CDH23: variants seen among roughly 807,000 people sequenced by gnomAD.
CDH23 encodes the protein cadherin-23.
In CDH23, 189 loss-of-function variants were observed where a neutral mutation model predicts 317.1. That is an observed-to-expected ratio of 0.60 (90% CI 0.53 to 0.67). CDH23 has a LOEUF of 0.67. CDH23 is among the 30% of genes least tolerant of loss of function. The pLI is 0.00. For synonymous variants in CDH23, 1,839 were observed against 1,876.8 expected (o/e 0.98, Z 0.52); for missense variants, 4,401 against 4,592.4 (o/e 0.96, Z 1.20).
intron 9 of CDH23, among the ~76,000 whole-genome samples, chr10:71,609,400 A>G (rs1435413765): frequency 6.6e-6 from 1 of 150,678 alleles, no homozygotes; most frequent in African/African-American, 2.4e-5. Context: ...CTTGTTTTTT[A>G]CACCAAACTC....
At chr10:71,452,308 G>A (rs937137682) in intron 3 of CDH23, among the ~76,000 whole-genome samples, 13 of 151,456 alleles carry the variant, frequency 8.6e-5, no homozygotes, top group African/African-American at 2.0e-4. Flanking sequence ...CCCATGCCCT[G>A]GAGGGGGGCA....
rs569450627 is a variant in CDH23 at position 71,512,637 on chromosome 10, C to T, written c.429+1425C>T. Among the ~76,000 whole-genome samples the T allele has an allele frequency of 8.5e-5, 13 of 152,292 alleles. No homozygotes were observed. In the South Asian group the frequency reaches 1.7e-3, roughly 19 times the overall value. ...TCCCTCTCATGGGGCAGCAGGGAGC[C>T]GCACTGGCAAGGAGACGAGGGGTCA... is the stretch of plus-strand genomic sequence containing the variant. On this transcript the variant is annotated intron_variant, in intron 6 of 69. Transcript: ENST00000224721.
chr10:71,615,323 G>A (rs1297821262), intron 9 of CDH23, among the ~76,000 whole-genome samples, 181 bp from the exon 10 acceptor site: 3 of 152,126 alleles, frequency 2.0e-5, no homozygotes, highest in African/African-American at 4.8e-5. Flanking sequence ...GCTGTCTGCC[G>A]GCTGCTCCAT....
chr10:71,785,751 G>A lies in CDH23; in HGVS notation c.5820+13G>A, dbSNP rs146354294. 19 of 1,517,114 alleles carry A rather than the reference G, an allele frequency of 1.3e-5. No homozygotes were observed. Among genetic ancestry groups the A allele is most frequent in the Non-Finnish European group, 1.5e-5 (17 of 1,101,864 alleles). The allele number at this position is 1,517,114 out of a possible 1,614,324, so 94.0% of individuals were successfully genotyped here. ...CATAGCCAGGAGGGTGAGACTGGAG[G>A]GCACTGGTGGGAGTGGGCTGGGAGC... On this transcript the variant is annotated intron_variant, in intron 44 of 69. Coordinates refer to ENST00000224721, the MANE Select transcript of CDH23 (RefSeq NM_022124.6).
intron 1 of CDH23, among the ~76,000 whole-genome samples, chr10:71,424,685 A>T (rs1217794567): frequency 2.0e-5 from 3 of 152,160 alleles, no homozygotes; most frequent in Non-Finnish European, 4.4e-5. Context: ...TTGATTCATG[A>T]TTCATCCAGT....
chr10:71,770,299 T>G (rs1051464538), intron 38 of CDH23, among the ~76,000 whole-genome samples: 27 of 152,368 alleles, frequency 1.8e-4, no homozygotes, highest in Admixed American at 1.8e-3. Context: ...TGGTATCATC[T>G]TCCCACTTTA....
intron 38 of CDH23, chr10:71,773,560 G>T (rs1283423703): frequency 2.2e-6 from 2 of 900,622 alleles, no homozygotes; most frequent in African/African-American, 1.8e-5. Context: ...CCCCAGCGCC[G>T]TGCTCCAGGC....
intron 6 of CDH23, among the ~76,000 whole-genome samples, chr10:71,528,553 G>A (rs535695955): frequency 6.6e-6 from 1 of 152,252 alleles, no homozygotes; most frequent in Non-Finnish European, 1.5e-5. Flanking sequence ...CCTCATCGGA[G>A]CGTTATGATA....
intron 14 of CDH23, among the ~76,000 whole-genome samples, chr10:71,657,879 C>G (rs547877539): frequency 2.6e-5 from 4 of 152,192 alleles, no homozygotes; most frequent in African/African-American, 9.6e-5. Flanking sequence ...TTATCTGCAG[C>G]CTGGGGAGGG....
intron 6 of CDH23, among the ~76,000 whole-genome samples, chr10:71,558,160 A>G (rs988008307): frequency 4.6e-5 from 7 of 151,900 alleles, no homozygotes; most frequent in Non-Finnish European, 7.4e-5. Flanking sequence ...ACCATGCCCA[A>G]CTAATTTTTT....
intron 9 of CDH23, among the ~76,000 whole-genome samples, chr10:71,587,353 T>C (rs892559161): frequency 1.3e-5 from 2 of 152,234 alleles, no homozygotes; most frequent in African/African-American, 4.8e-5. Flanking sequence ...ATTTGTTCAT[T>C]CATTCATTCA....
chr10:71,548,420 A>G (rs561084288), intron 6 of CDH23, among the ~76,000 whole-genome samples: 5 of 152,228 alleles, frequency 3.3e-5, no homozygotes, highest in African/African-American at 1.2e-4. Context: ...CGTCTTCTTT[A>G]TCTTCATGTA....
In CDH23 at chr10:71,550,579, A is replaced by AAAAAG. The variant is rs1554837507; in HGVS notation, c.430-16159_430-16158insGAAAA. Among the ~76,000 whole-genome samples the AAAAAG allele has an allele frequency of 1.7e-3, 207 of 121,154 alleles. 3 individuals carry two copies. Among genetic ancestry groups the AAAAAG allele is most frequent in the East Asian group, 6.3e-3 (25 of 3,978 alleles). The allele number at this position is 121,154 out of a possible 152,430, so 79.5% of individuals were successfully genotyped here. A position where few individuals can be genotyped will look rare whatever the true frequency, so the allele number is the denominator to read the frequency against. On this transcript the variant is annotated intron_variant, in intron 6 of 69. Coordinates refer to ENST00000224721, the MANE Select transcript of CDH23 (RefSeq NM_022124.6). The stretch of plus-strand genomic sequence containing the variant: ...TGTCTCAAAAAAAAAAAAAAAAAAG[A>AAAAAG]AAAAAGAAAAAGAAAGAAAGAAAGA...
At chr10:71,540,045 AC>A (rs1405526135) in intron 6 of CDH23, among the ~76,000 whole-genome samples, 1 of 152,050 alleles carries the variant, frequency 6.6e-6, no homozygotes, top group Non-Finnish European at 1.5e-5. Context: ...TTTTAACAGG[AC>A]CCCGCTAGTG....
At chr10:71,720,636 G>GC (rs1241599666) in intron 28 of CDH23, among the ~76,000 whole-genome samples, 7 of 152,156 alleles carry the variant, frequency 4.6e-5, no homozygotes, top group African/African-American at 1.7e-4. Flanking sequence ...CTTTTTTGGA[G>GC]CCCCAGTTTC....
At chr10:71,794,991 G>GAC (rs1168900171) in intron 48 of CDH23, among the ~76,000 whole-genome samples, 2 of 152,118 alleles carry the variant, frequency 1.3e-5, no homozygotes, top group Non-Finnish European at 2.9e-5. Flanking sequence ...CAATAAATTA[G>GAC]ACACACACAG....
intron 14 of CDH23, chr10:71,647,214 C>A: frequency 2.0e-6 from 1 of 493,268 alleles, no homozygotes; most frequent in Non-Finnish European, 2.6e-6. Flanking sequence ...TGTCATCCAA[C>A]ACCTTGAGAA....
At chr10:71,511,547 G>A (rs1277608359) in intron 6 of CDH23, among the ~76,000 whole-genome samples, 1 of 151,778 alleles carries the variant, frequency 6.6e-6, no homozygotes, top group Non-Finnish European at 1.5e-5. Flanking sequence ...ATGTGGGCCT[G>A]GGCAGGGTGG....
At position 71,760,766 on chromosome 10, in the gene CDH23, G is replaced by T. The variant is rs968852478; in HGVS notation, c.4846-16914G>T. On this transcript the variant is annotated intron_variant, in intron 38 of 69. Coordinates refer to ENST00000224721, the MANE Select transcript of CDH23 (RefSeq NM_022124.6). ...AAGGAGGAGGACCGGGGGGTTCTGA[G>T]GGCTTGGGGTGATGAGGCCAGAGTT... is the stretch of plus-strand genomic sequence containing the variant. The T allele has an allele frequency of 5.7e-5, 63 of 1,107,864 alleles. No individual in the cohort carries two copies. In the African/African-American group the frequency reaches 9.4e-4, roughly 17 times the overall value. The allele number at this position is 1,107,864 out of a possible 1,614,324, so 68.6% of individuals were successfully genotyped here.
Sources: gnomAD v4.1 joint callset for allele counts (sites outside exome capture counted in the v4.1 genomes callset) on GRCh38, gnomAD v4.1.1 for gene constraint, MANE v1.5 for transcripts, NCBI Gene and HGNC (gene_info 2026-07-23, HGNC 2026-07-21) for gene names.